Variants in CSMD1 observed in about 807,000 individuals in gnomAD.
CSMD1 encodes CUB and sushi domain-containing protein 1.
In CSMD1, 213 loss-of-function variants were observed where a neutral mutation model predicts 417.5. That is an observed-to-expected ratio of 0.51 (90% confidence interval 0.46 to 0.57). The LOEUF is 0.57. CSMD1 is among the 20% of genes least tolerant of loss of function. CSMD1 has a pLI of 0.00. For missense variants in CSMD1, 6,923 were observed against 4,529.7 expected, an observed-to-expected ratio of 1.53 and a Z score of -15.17; for synonymous variants, 2,862 against 1,736.8, an observed-to-expected ratio of 1.65 and a Z score of -16.11.
chr8:3,289,142 C>T (rs1420688102), intron 25 of CSMD1, among the ~76,000 whole-genome samples: 3 of 147,514 alleles, frequency 2.0e-5, no homozygotes, highest in African/African-American at 5.4e-5. Context: ...CATGTCCCTA[C>T]AAAGCACATG....
chr8:4,128,386 G>A (rs944240246), intron 3 of CSMD1, among the ~76,000 whole-genome samples: 10 of 152,132 alleles, frequency 6.6e-5, no homozygotes, highest in African/African-American at 1.4e-4. Context: ...CAGTACCTTC[G>A]ATTTGGAACT....
At chr8:3,308,738 T>TTG (rs1451607393) in intron 23 of CSMD1, among the ~76,000 whole-genome samples, 4 of 147,086 alleles carry the variant, frequency 2.7e-5, no homozygotes, top group Non-Finnish European at 6.0e-5. Context: ...ACAAGTTTTT[T>TTG]TTTTTTTTTT....
intron 5 of CSMD1, among the ~76,000 whole-genome samples, chr8:3,804,859 T>A (rs184970569): frequency 4.6e-5 from 7 of 152,168 alleles, no homozygotes; most frequent in Non-Finnish European, 5.9e-5. Context: ...TTTTCTTTCC[T>A]GTTACATGAT....
intron 5 of CSMD1, among the ~76,000 whole-genome samples, chr8:3,996,950 A>C (rs1378578999): frequency 6.6e-6 from 1 of 152,192 alleles, no homozygotes; most frequent in African/African-American, 2.4e-5. Context: ...GGTAGCCTTC[A>C]TACTAAAATG....
chr8:4,298,946 T>A (rs1035098793), intron 3 of CSMD1, among the ~76,000 whole-genome samples: 2 of 152,044 alleles, frequency 1.3e-5, no homozygotes, highest in African/African-American at 2.4e-5. Context: ...ACACAATACA[T>A]ATATATGTCA....
intron 49 of CSMD1, among the ~76,000 whole-genome samples, chr8:3,082,435 T>A (rs1306878547): frequency 1.3e-5 from 2 of 152,174 alleles, no homozygotes; most frequent in African/African-American, 4.8e-5. Flanking sequence ...GACATCCCAA[T>A]ATCCTGGACC....
At chr8:3,623,201 A>G (rs1190127152) in intron 7 of CSMD1, among the ~76,000 whole-genome samples, 1 of 152,254 alleles carries the variant, frequency 6.6e-6, no homozygotes, top group Non-Finnish European at 1.5e-5. Flanking sequence ...TATATTTTCA[A>G]TGACTTTTTC....
At chr8:3,221,947 T>C (rs1798240460) in intron 28 of CSMD1, among the ~76,000 whole-genome samples, 1 of 152,172 alleles carries the variant, frequency 6.6e-6, no homozygotes, top group Admixed American at 6.5e-5. Flanking sequence ...TGACACTGCA[T>C]CTTGGCCAGC....
intron 1 of CSMD1, among the ~76,000 whole-genome samples, chr8:4,834,125 G>A (rs1247598884): frequency 1.3e-5 from 2 of 152,180 alleles, no homozygotes; most frequent in African/African-American, 2.4e-5. Flanking sequence ...TTACATAATT[G>A]AAAGTTTTTA....
chr8:3,284,844 G>C (rs1388798525), intron 25 of CSMD1, among the ~76,000 whole-genome samples: 1 of 152,192 alleles, frequency 6.6e-6, no homozygotes, highest in African/African-American at 2.4e-5. Context: ...GTCTGCTCTT[G>C]TGTTGTACTT....
intron 7 of CSMD1, among the ~76,000 whole-genome samples, chr8:3,651,751 T>C (rs1797868073): frequency 6.6e-6 from 1 of 151,388 alleles, no homozygotes; most frequent in Admixed American, 6.6e-5. Flanking sequence ...ATCATCACTA[T>C]ACTTACTACC....
intron 18 of CSMD1, among the ~76,000 whole-genome samples, chr8:3,371,892 C>T (rs1270648854): frequency 2.0e-5 from 3 of 152,218 alleles, no homozygotes; most frequent in African/African-American, 7.2e-5. Context: ...TAACATTATA[C>T]ATCCCACTTG....
At chr8:3,538,189 T>C (rs1169605445) in intron 10 of CSMD1, among the ~76,000 whole-genome samples, 1 of 151,504 alleles carries the variant, frequency 6.6e-6, no homozygotes, top group Non-Finnish European at 1.5e-5. Flanking sequence ...AACTACACCT[T>C]GCATTTCATT....
At chr8:3,333,731 T>C (rs1259656071) in intron 23 of CSMD1, among the ~76,000 whole-genome samples, 1 of 152,240 alleles carries the variant, frequency 6.6e-6, no homozygotes, top group Non-Finnish European at 1.5e-5. Flanking sequence ...TTGTGAATAA[T>C]TTTTAAAACT....
intron 12 of CSMD1, among the ~76,000 whole-genome samples, chr8:3,413,731 A>G (rs1201933288): frequency 6.6e-6 from 1 of 152,212 alleles, no homozygotes; most frequent in African/African-American, 2.4e-5. Context: ...TTTGAGGTTC[A>G]TATCACCTTC....
At chr8:2,989,115 T>A (rs538196868) in intron 54 of CSMD1, among the ~76,000 whole-genome samples, 143 of 152,338 alleles carry the variant, frequency 9.4e-4, no homozygotes, top group African/African-American at 3.2e-3. Flanking sequence ...CTTGTGAGAA[T>A]ATTTTAAAAA....
rs113859833 is a variant in CSMD1, at chr8:4,241,708, CTT to C, written c.415+178243_415+178244del. Among the ~76,000 whole-genome samples the C allele has an allele frequency of 4.5e-3, 611 of 135,738 alleles. 2 individuals carry two copies. Among genetic ancestry groups the C allele is most frequent in the African/African-American group, 0.012 (431 of 37,180 alleles). The allele number at this position is 135,738 out of a possible 152,430, so 89.0% of individuals were successfully genotyped here. On this transcript the variant is annotated intron_variant, in intron 3 of 69. Transcript: ENST00000635120. ...TGGGATTTGGAGTGATTTTTTTTTTCTTTTTTTTTTTTTGAGACGGAGTCTCG... is the reference window on the plus strand; with the variant it reads ...TGGGATTTGGAGTGATTTTTTTTTTCTTTTTTTTTTTGAGACGGAGTCTCG...
chr8:3,976,363 T>A (rs1410469985), intron 5 of CSMD1, among the ~76,000 whole-genome samples: 2 of 152,232 alleles, frequency 1.3e-5, no homozygotes, highest in African/African-American at 4.8e-5. Context: ...TATCATGACG[T>A]TGATGAAGAT....
chr8:3,484,226 G>A (rs942495623), intron 11 of CSMD1, among the ~76,000 whole-genome samples: 3 of 152,184 alleles, frequency 2.0e-5, no homozygotes, highest in Non-Finnish European at 1.5e-5. Context: ...GGCATTGGTA[G>A]AAGACTAGAC....
Sources: allele counts gnomAD v4.1 joint callset (sites outside exome capture counted in the v4.1 genomes callset), GRCh38; gene constraint gnomAD v4.1.1; transcripts MANE v1.5; gene names NCBI Gene and HGNC (gene_info 2026-07-23, HGNC 2026-07-21).